WWOX: variants seen among roughly 807,000 people sequenced by gnomAD.
WWOX encodes the protein WW domain containing oxidoreductase.
In WWOX, 69 loss-of-function variants were observed where a neutral mutation model predicts 46.2. That is an observed-to-expected ratio of 1.49 (90% CI 1.23 to 1.82). WWOX has a LOEUF of 1.82. WWOX is among the 40% of genes most tolerant of loss of function. The pLI, the probability that WWOX is intolerant of heterozygous loss-of-function variation, is 0.00. For missense variants in WWOX, 919 were observed against 542.6 expected, an observed-to-expected ratio of 1.69 and a Z score of -6.89; for synonymous variants, 359 against 202.6, an observed-to-expected ratio of 1.77 and a Z score of -6.56.
intron 8 of WWOX, among the ~76,000 whole-genome samples, chr16:78,679,480 G>A (rs1308327347): frequency 6.6e-6 from 1 of 152,138 alleles, no homozygotes; most frequent in African/African-American, 2.4e-5. Flanking sequence ...GATCCCGGGG[G>A]GCAGAGGTTG....
intron 6 of WWOX, among the ~76,000 whole-genome samples, chr16:78,412,237 C>G (rs1024917833): frequency 6.6e-6 from 1 of 152,088 alleles, no homozygotes; most frequent in Non-Finnish European, 1.5e-5. Flanking sequence ...AATCAGGTGA[C>G]TGGTTTGCAA....
intron 8 of WWOX, among the ~76,000 whole-genome samples, chr16:78,922,054 G>A (rs924997422): frequency 4.6e-5 from 7 of 152,204 alleles, no homozygotes; most frequent in African/African-American, 4.8e-5. Context: ...ATGTGTGGCA[G>A]TATGCATGGA....
chr16:78,696,995 C>T (rs937399859), intron 8 of WWOX, among the ~76,000 whole-genome samples: 1 of 152,182 alleles, frequency 6.6e-6, no homozygotes, highest in Non-Finnish European at 1.5e-5. Context: ...GCCATCAGTT[C>T]ATTCCTTTTC....
chr16:78,434,485 C>G (rs2083293455), intron 8 of WWOX, among the ~76,000 whole-genome samples: 1 of 152,148 alleles, frequency 6.6e-6, no homozygotes, highest in South Asian at 2.1e-4. Flanking sequence ...AACTGGGTGC[C>G]AGTGCCATTT....
chr16:78,852,032 A>G (rs1331937455), intron 8 of WWOX, among the ~76,000 whole-genome samples: 1 of 152,214 alleles, frequency 6.6e-6, no homozygotes, highest in East Asian at 1.9e-4. Context: ...CCCCACAATC[A>G]AGAGTGACTT....
intron 8 of WWOX, among the ~76,000 whole-genome samples, chr16:78,749,303 C>T (rs2049422547): frequency 6.6e-6 from 1 of 151,968 alleles, no homozygotes; most frequent in South Asian, 2.1e-4. Context: ...CTCTTCCCTA[C>T]AGAGAGGAAA....
At chr16:78,105,032 C>G (rs1032312743) in intron 1 of WWOX, among the ~76,000 whole-genome samples, 4 of 152,236 alleles carry the variant, frequency 2.6e-5, no homozygotes, top group African/African-American at 9.6e-5. Context: ...GTTCCGGATT[C>G]TTCCCCAGGG....
intron 6 of WWOX, among the ~76,000 whole-genome samples, chr16:78,416,762 G>C (rs555622657): frequency 6.6e-6 from 1 of 152,346 alleles, no homozygotes; most frequent in African/African-American, 2.4e-5. Flanking sequence ...TTGTCTTGTG[G>C]ATAAAAGTGA....
At chr16:79,087,671 G>T (rs67789620) in intron 8 of WWOX, among the ~76,000 whole-genome samples, 3 of 152,152 alleles carry the variant, frequency 2.0e-5, no homozygotes, top group Non-Finnish European at 2.9e-5. Context: ...ACCCTAGATC[G>T]TTGCATTTGT....
intron 8 of WWOX, chr16:78,825,272 A>C (rs1023681433): frequency 3.6e-6 from 1 of 280,760 alleles, no homozygotes; most frequent in Non-Finnish European, 7.2e-6. Context: ...GATGGTGTGC[A>C]GCAGCATGAT....
At chr16:78,839,436 A>G (rs541213772) in intron 8 of WWOX, among the ~76,000 whole-genome samples, 3 of 152,206 alleles carry the variant, frequency 2.0e-5, no homozygotes, top group Non-Finnish European at 2.9e-5. Context: ...AGACAGCAAC[A>G]AGATCCCCTT....
chr16:78,919,551 C>T (rs1322211007), intron 8 of WWOX, among the ~76,000 whole-genome samples: 1 of 131,082 alleles, frequency 7.6e-6, no homozygotes, highest in Non-Finnish European at 1.6e-5. Flanking sequence ...GGGAGTCTTG[C>T]TCTGTCTGCC....
intron 8 of WWOX, chr16:78,552,425 T>C (rs937040901): frequency 6.6e-6 from 1 of 152,230 alleles, no homozygotes; most frequent in East Asian, 1.9e-4. Flanking sequence ...ATTTACAGTT[T>C]ATACAGTTTT....
intron 5 of WWOX, among the ~76,000 whole-genome samples, chr16:78,239,549 T>C (rs942544843): frequency 6.6e-6 from 1 of 152,144 alleles, no homozygotes; most frequent in Non-Finnish European, 1.5e-5. Flanking sequence ...TTTTTTCTTT[T>C]TTTGAGACAG....
intron 5 of WWOX, among the ~76,000 whole-genome samples, chr16:78,298,428 C>T (rs2079978299): frequency 6.6e-6 from 1 of 152,108 alleles, no homozygotes; most frequent in South Asian, 2.1e-4. Context: ...CCCCTCAATG[C>T]CTGTGTGATC....
intron 5 of WWOX, among the ~76,000 whole-genome samples, chr16:78,318,859 A>G (rs1210503288): frequency 1.3e-5 from 2 of 152,222 alleles, no homozygotes; most frequent in Non-Finnish European, 2.9e-5. Flanking sequence ...AAACCAGGAA[A>G]CATGCCTGGG....
intron 6 of WWOX, among the ~76,000 whole-genome samples, chr16:78,409,494 T>C (rs1158061260): frequency 1.3e-5 from 2 of 152,176 alleles, no homozygotes; most frequent in Non-Finnish European, 2.9e-5. Flanking sequence ...TTGGATTCCT[T>C]CCCATAGCAT....
chr16:78,619,831 C>T (rs568530838), intron 8 of WWOX, among the ~76,000 whole-genome samples: 52 of 152,138 alleles, frequency 3.4e-4, no homozygotes, highest in Admixed American at 2.6e-3. Flanking sequence ...ATCACTTGAG[C>T]AAAGGAGGTT....
intron 8 of WWOX, among the ~76,000 whole-genome samples, chr16:78,613,610 A>T (rs2045951227): frequency 6.6e-6 from 1 of 152,218 alleles, no homozygotes; most frequent in African/African-American, 2.4e-5. Context: ...TTCCGGATTC[A>T]AGATGCAATC....
Sources: allele counts gnomAD v4.1 joint callset (sites outside exome capture counted in the v4.1 genomes callset), GRCh38; gene constraint gnomAD v4.1.1; transcripts MANE v1.5; gene names NCBI Gene and HGNC (gene_info 2026-07-23, HGNC 2026-07-21).